TULP4: variants seen among roughly 807,000 people sequenced by gnomAD.
TULP4 encodes the protein TUB like protein 4.
In TULP4, 16 loss-of-function variants were observed where a neutral mutation model predicts 129.0. The observed-to-expected ratio is 0.12, with a 90% CI of 0.08 to 0.19. The LOEUF (loss-of-function observed/expected upper bound fraction) is 0.19. TULP4 is among the 10% of genes least tolerant of loss of function. The probability of loss-of-function intolerance (pLI) is 1.00; values close to 1 mark genes in which losing one functional copy is unlikely to be tolerated. For missense variants in TULP4, 1,842 were observed against 2,059.1 expected (o/e 0.89, Z 2.04); for synonymous variants, 998 against 854.0 (o/e 1.17, Z -2.94).
intron 1 of TULP4, among the ~76,000 whole-genome samples, chr6:158,411,507 G>A (rs887825530): frequency 6.6e-6 from 1 of 152,178 alleles, no homozygotes. Flanking sequence ...TGATCACCAG[G>A]TCTCAAAAGA....
intron 2 of TULP4, among the ~76,000 whole-genome samples, chr6:158,417,093 T>C (rs998573131): frequency 2.0e-5 from 3 of 152,178 alleles, no homozygotes; most frequent in African/African-American, 7.2e-5. Flanking sequence ...TGTATCCCCA[T>C]TGTTAATCGA....
At chr6:158,454,497 T>A (rs1269478790) in intron 5 of TULP4, among the ~76,000 whole-genome samples, 2 of 137,698 alleles carry the variant, frequency 1.5e-5, no homozygotes, top group Admixed American at 1.4e-4. Context: ...TACCACTCAG[T>A]TCCTTTTTAT....
rs563597501 is a variant in TULP4, at chr6:158,401,328, C to A, written c.253-11737C>A. Among the ~76,000 whole-genome samples, 3 of 152,236 alleles carry A rather than the reference C, an allele frequency of 2.0e-5. No homozygotes were observed. The South Asian group carries it at 6.2e-4, about 32-fold the overall frequency. On this transcript the variant is annotated intron_variant, in intron 1 of 13. Transcript: ENST00000367097. Reference sequence around the variant, plus strand: ...GGCTCAAGCGAGCTGTCAGCCTCGGCCTCCCAAAGTGGTAGAATTACAGGC... The same window carrying A: ...GGCTCAAGCGAGCTGTCAGCCTCGGACTCCCAAAGTGGTAGAATTACAGGC...
intron 9 of TULP4, 66 bp downstream of exon 9, chr6:158,489,798 AC>A: frequency 6.3e-7 from 1 of 1,588,662 alleles, no homozygotes; most frequent in Non-Finnish European, 8.6e-7. Flanking sequence ...TGTGCCTGCA[AC>A]AGAATCGCAT....
At chr6:158,236,825 T>C (rs1303515366) in intron 1 of TULP4, among the ~76,000 whole-genome samples, 7 of 88,876 alleles carry the variant, frequency 7.9e-5, no homozygotes, top group East Asian at 3.7e-4. Flanking sequence ...TTTTTTTTTT[T>C]TTTTTTGAGA....
At chr6:158,241,550 C>T (rs1421286272) in intron 1 of TULP4, among the ~76,000 whole-genome samples, 2 of 151,988 alleles carry the variant, frequency 1.3e-5, no homozygotes, top group Admixed American at 6.5e-5. Context: ...GGAGACCGCC[C>T]GGCCAATACA....
At chr6:158,294,188 A>T (rs1262645933) in intron 1 of TULP4, among the ~76,000 whole-genome samples, 3 of 151,990 alleles carry the variant, frequency 2.0e-5, no homozygotes, top group Non-Finnish European at 2.9e-5. Flanking sequence ...ACATGGTGAA[A>T]CCCTTTCTCT....
At chr6:158,318,077 G>A (rs746102032) in intron 1 of TULP4, among the ~76,000 whole-genome samples, 6 of 152,172 alleles carry the variant, frequency 3.9e-5, no homozygotes, top group Non-Finnish European at 7.4e-5. Flanking sequence ...CAGATAGGTA[G>A]ATTGCAAAAA....
intron 1 of TULP4, among the ~76,000 whole-genome samples, chr6:158,351,824 C>T (rs1266497238): frequency 4.3e-5 from 6 of 139,390 alleles, no homozygotes; most frequent in Admixed American, 7.9e-5. Flanking sequence ...TGGGTTCAAG[C>T]GATTCTCCTG....
intron 3 of TULP4, among the ~76,000 whole-genome samples, chr6:158,434,814 G>A (rs1414149823): frequency 2.6e-5 from 4 of 152,158 alleles, no homozygotes; most frequent in Non-Finnish European, 5.9e-5. Flanking sequence ...TGTGCCTGAG[G>A]CCACTGAGGA....
chr6:158,420,904 CTG>C (rs1375772749), intron 2 of TULP4, among the ~76,000 whole-genome samples: 3 of 152,198 alleles, frequency 2.0e-5, no homozygotes, highest in Admixed American at 6.5e-5. Context: ...GCGTCGAACT[CTG>C]TAAAATATTT....
intron 3 of TULP4, among the ~76,000 whole-genome samples, chr6:158,438,938 G>A (rs1003487497): frequency 3.3e-5 from 5 of 152,124 alleles, no homozygotes; most frequent in Non-Finnish European, 7.3e-5. Flanking sequence ...TTGGGAGGCC[G>A]AGGCGGGGGA....
At chr6:158,495,209 T>A (rs1477685869) in intron 11 of TULP4, among the ~76,000 whole-genome samples, 1 of 152,068 alleles carries the variant, frequency 6.6e-6, no homozygotes, top group Non-Finnish European at 1.5e-5. Context: ...CGCGCCACCA[T>A]GCCCGGCTAA....
At chr6:158,244,320 A>G (rs1012973324) in intron 1 of TULP4, among the ~76,000 whole-genome samples, 6 of 152,352 alleles carry the variant, frequency 3.9e-5, no homozygotes, top group South Asian at 4.1e-4. Context: ...TAAATGTGCA[A>G]TAAACAAAAT....
chr6:158,451,290 G>C (rs1288053237), intron 4 of TULP4, among the ~76,000 whole-genome samples: 1 of 152,184 alleles, frequency 6.6e-6, no homozygotes, highest in Non-Finnish European at 1.5e-5. Context: ...TAGGGAATTT[G>C]AGTGTGGAGG....
At chr6:158,369,736 G>A (rs1428664759) in intron 1 of TULP4, among the ~76,000 whole-genome samples, 1 of 152,140 alleles carries the variant, frequency 6.6e-6, no homozygotes, top group East Asian at 1.9e-4. Context: ...TACATGCATG[G>A]AATATCTCTG....
At chr6:158,327,754 C>T (rs1182282788) in intron 1 of TULP4, among the ~76,000 whole-genome samples, 4 of 150,058 alleles carry the variant, frequency 2.7e-5, no homozygotes, top group African/African-American at 7.4e-5. Flanking sequence ...AGGGGTGGTT[C>T]TGTGTGAATC....
At chr6:158,347,352 A>G (rs1780336581) in intron 1 of TULP4, among the ~76,000 whole-genome samples, 1 of 152,230 alleles carries the variant, frequency 6.6e-6, no homozygotes, top group African/African-American at 2.4e-5. Flanking sequence ...AAATATATAC[A>G]TGTTTCTAAG....
At chr6:158,486,297 T>C (rs1327897487) in intron 8 of TULP4, among the ~76,000 whole-genome samples, 1 of 152,200 alleles carries the variant, frequency 6.6e-6, no homozygotes, top group Non-Finnish European at 1.5e-5. Flanking sequence ...AAGGACTAAC[T>C]AACGCCTGTG....
Sources: allele counts gnomAD v4.1 joint callset (sites outside exome capture counted in the v4.1 genomes callset), GRCh38; gene constraint gnomAD v4.1.1; transcripts MANE v1.5; gene names NCBI Gene and HGNC (gene_info 2026-07-23, HGNC 2026-07-21).